The following UBA2 variants were observed in gnomAD, a reference collection of about 807,000 sequenced individuals.
UBA2 encodes the protein ubiquitin like modifier activating enzyme 2, also known as SUMO-activating enzyme subunit 2.
UBA2 carries 11 observed loss-of-function variants against 77.2 expected under a neutral mutation model. The observed-to-expected ratio is 0.14, with a 90% CI of 0.09 to 0.24. UBA2 has a LOEUF of 0.24. Among genes scored for constraint, UBA2 ranks in the 10% least tolerant of loss-of-function variants. UBA2 has a pLI of 1.00. For synonymous variants in UBA2, 278 were observed against 276.7 expected, an observed-to-expected ratio of 1.00 and a Z score of -0.05; for missense variants, 487 against 781.7, an observed-to-expected ratio of 0.62 and a Z score of 4.50.
At chr19:34,466,792 G>A in intron 15 of UBA2, 86 bp from the exon 16 acceptor site, 2 of 1,228,598 alleles carry the variant, frequency 1.6e-6, no homozygotes, top group Admixed American at 1.8e-5. Flanking sequence ...TATACATAGT[G>A]TATGCTTTGA....
intron 2 of UBA2, among the ~76,000 whole-genome samples, chr19:34,431,250 T>C (rs1232616818): frequency 5.0e-4 from 66 of 132,874 alleles, no homozygotes; most frequent in African/African-American, 1.8e-3. Context: ...TTTTCTTTTT[T>C]TTTTTTTTTT....
intron 4 of UBA2, 83 bp from the exon 5 acceptor site, chr19:34,434,785 A>G: frequency 1.0e-6 from 1 of 1,001,380 alleles, no homozygotes; most frequent in Non-Finnish European, 1.5e-6. Context: ...AGCCAGTAAG[A>G]TAGTTTTGAG....
Position 34,470,556 on chromosome 19 carries a change from A to C in UBA2, c.*1335A>C, listed in dbSNP as rs987509546. ...GTTCGTTTTTGAGATGAAGCCTCAC[A>C]CTGTCATCTGGCCTGGAGTGCAGTG... On this transcript the variant is annotated 3_prime_UTR_variant, in exon 17 of 17. Transcript: ENST00000246548. 6.6e-6 allele frequency: 1 copy of C among 152,184 alleles called. No individual in the cohort carries two copies. The highest frequency in any genetic ancestry group is 1.5e-5 in the Non-Finnish European group (1 of 68,070). 9.4% of individuals were successfully genotyped at this position (152,184 alleles called of 1,614,324 possible). A position where few individuals can be genotyped will look rare whatever the true frequency, so the allele number is the denominator to read the frequency against.
At chr19:34,467,465 CAA>C (rs35373946) in intron 16 of UBA2, among the ~76,000 whole-genome samples, 115 of 110,070 alleles carry the variant, frequency 1.0e-3, no homozygotes, top group East Asian at 8.9e-3. Context: ...GACCATGTCT[CAA>C]AAAAAAAAAA....
chr19:34,432,627 G>C (rs1256161200), intron 3 of UBA2, among the ~76,000 whole-genome samples: 1 of 151,994 alleles, frequency 6.6e-6, no homozygotes, highest in African/African-American at 2.4e-5. Flanking sequence ...GCATGATCTT[G>C]GCTCACTGCA....
chr19:34,441,930 CAA>C (rs71165656), intron 6 of UBA2, among the ~76,000 whole-genome samples: 2 of 136,414 alleles, frequency 1.5e-5, no homozygotes, highest in Non-Finnish European at 3.1e-5. Context: ...CAGAAAAAGA[CAA>C]AAAAAAAAAA....
chr19:34,428,386 T>A lies in UBA2; in HGVS notation c.-47T>A. The A allele has an allele frequency of 8.1e-7, 1 of 1,231,822 alleles. No individual in the cohort carries two copies. The highest frequency in any genetic ancestry group is 1.0e-6 in the Non-Finnish European group (1 of 986,814). The allele number at this position is 1,231,822 out of a possible 1,614,324, so 76.3% of individuals were successfully genotyped here. A position where few individuals can be genotyped will look rare whatever the true frequency, so the allele number is the denominator to read the frequency against. On this transcript the variant is annotated 5_prime_UTR_variant, in exon 1 of 17. Coordinates refer to ENST00000246548, the MANE Select transcript of UBA2 (RefSeq NM_005499.3). ...TCCCCCACCCGCTTCCGGCCGCGGC[T>A]CGGTTCTCCCGCCTCCGCCTCCGCC...
chr19:34,433,931 C>T (rs60338470), intron 4 of UBA2, among the ~76,000 whole-genome samples: 139 of 152,246 alleles, frequency 9.1e-4, no homozygotes, highest in African/African-American at 3.2e-3. Flanking sequence ...ACACTCCAGC[C>T]TTGGTGACAG....
chr19:34,440,212 TA>T (rs1488232529), intron 6 of UBA2, among the ~76,000 whole-genome samples: 1 of 150,392 alleles, frequency 6.6e-6, no homozygotes, highest in African/African-American at 2.5e-5. Flanking sequence ...TAGTCCCAGC[TA>T]CTTGGGAGAC....
chr19:34,434,909 G>A lies in UBA2; in HGVS notation c.400G>A (p.Val134Ile). The change falls in exon 5 of 17, where the codon GTT becomes ATT. Residue 134 changes from valine to isoleucine, a missense_variant. By Grantham distance (29) the Val-to-Ile change is conservative. Coordinates refer to ENST00000246548, the MANE Select transcript of UBA2 (RefSeq NM_005499.3). ...TAATAGAATGTGCCTGGCAGCTGAT[G>A]TTCCTCTTATTGAAAGTGGAACAGC... ...HVNRMCLAAD[V>I]PLIESGTAGY... 6.2e-7 allele frequency: 1 copy of A among 1,609,602 alleles called. No homozygotes were observed. The highest frequency in any genetic ancestry group is 2.2e-5 in the East Asian group (1 of 44,836).
chr19:34,451,713 A>G (rs1347425785), intron 9 of UBA2, among the ~76,000 whole-genome samples: 1 of 151,304 alleles, frequency 6.6e-6, no homozygotes, highest in Non-Finnish European at 1.5e-5. Flanking sequence ...ATGCCTGCAT[A>G]TTTTTTGTAT....
chr19:34,457,421 T>C (rs2075580385), intron 12 of UBA2, among the ~76,000 whole-genome samples: 1 of 151,900 alleles, frequency 6.6e-6, no homozygotes, highest in Non-Finnish European at 1.5e-5. Flanking sequence ...TGCAAATGAA[T>C]TCCAGCCTGG....
At position 34,443,832 on chromosome 19, in the gene UBA2, C is replaced by G; in HGVS notation, c.582-12C>G. The G allele has an allele frequency of 6.4e-7, 1 of 1,557,424 alleles. No individual in the cohort carries two copies. The highest frequency in any genetic ancestry group is 8.9e-7 in the Non-Finnish European group (1 of 1,128,652). On this transcript the variant is annotated splice_polypyrimidine_tract_variant and intron_variant, in intron 6 of 16. Coordinates refer to ENST00000246548, the MANE Select transcript of UBA2 (RefSeq NM_005499.3). ...TTGTTATACAGAAGTATTTACTATT[C>G]TTAAATTATAGCCAGTTGTTTGGGG...
chr19:34,458,985 C>T, intron 13 of UBA2, 61 bp downstream of exon 13: 2 of 1,462,346 alleles, frequency 1.4e-6, no homozygotes, highest in Non-Finnish European at 1.8e-6. Flanking sequence ...TGATGACAAA[C>T]AAACACTAGC....
intron 4 of UBA2, among the ~76,000 whole-genome samples, chr19:34,434,273 G>C (rs2080613039): frequency 6.6e-6 from 1 of 152,010 alleles, no homozygotes; most frequent in South Asian, 2.1e-4. Flanking sequence ...ACCATACCCG[G>C]CTAATTTTTT....
At chr19:34,437,482 C>T (rs1363769981) in intron 5 of UBA2, among the ~76,000 whole-genome samples, 1 of 151,316 alleles carries the variant, frequency 6.6e-6, no homozygotes, top group African/African-American at 2.4e-5. Flanking sequence ...TGGTGGCACG[C>T]ACCTGTAATC....
chr19:34,454,570 T>C lies in UBA2; in HGVS notation c.1245+14T>C. ...CAGTGCAGAACAGTGAGTATTTCTG[T>C]TTGCATTTTTATGCAACCCCCCTTA... On this transcript the variant is annotated intron_variant, in intron 12 of 16. Transcript: ENST00000246548. 7.2e-7 allele frequency: 1 copy of C among 1,390,956 alleles called. No individual in the cohort carries two copies. The highest frequency in any genetic ancestry group is 1.4e-5 in the South Asian group (1 of 73,326). The allele number at this position is 1,390,956 out of a possible 1,614,324, so 86.2% of individuals were successfully genotyped here.
At chr19:34,431,027 T>C (rs746264777) in intron 2 of UBA2, among the ~76,000 whole-genome samples, 5 of 152,082 alleles carry the variant, frequency 3.3e-5, no homozygotes, top group Non-Finnish European at 2.9e-5. Context: ...CCGATCTTTG[T>C]TTAGTTTTTT....
chr19:34,445,015 C>T lies in UBA2; in HGVS notation c.665C>T (p.Ala222Val). The T allele has an allele frequency of 1.2e-6, 2 of 1,611,906 alleles. No homozygotes were observed. Among genetic ancestry groups the T allele is most frequent in the Non-Finnish European group, 1.7e-6 (2 of 1,179,236 alleles). ...CGTTTTATAGGGGAACCAACGGAAGCCGAAGCCAGAGCTAGAGCATCTAAT... is the reference window on the plus strand; with the variant it reads ...CGTTTTATAGGGGAACCAACGGAAGTCGAAGCCAGAGCTAGAGCATCTAAT... ...DPEAAWEPTE[A>V]EARARASNED... The change falls in exon 8 of 17, where the codon GCC becomes GTC. Residue 222 changes from alanine to valine, a missense_variant. Ala to Val is a moderately conservative substitution (Grantham distance 64). This residue lies in a region of UBA2 where 300 missense variants were observed against 454.3 expected (regional missense o/e 0.66). Coordinates refer to ENST00000246548, the MANE Select transcript of UBA2 (RefSeq NM_005499.3).
Sources: allele counts gnomAD v4.1 joint callset (sites outside exome capture counted in the v4.1 genomes callset), GRCh38; gene constraint gnomAD v4.1.1; regional missense constraint gnomAD v4.1.1; transcripts MANE v1.5; gene names NCBI Gene and HGNC (gene_info 2026-07-23, HGNC 2026-07-21).